Variants in FOCAD observed in about 807,000 individuals in gnomAD.
FOCAD encodes KIAA1797.
A neutral mutation model predicts 225.6 loss-of-function variants in FOCAD; 198 were observed. The observed-to-expected ratio is 0.88, with a 90% CI of 0.78 to 0.99. FOCAD has a LOEUF of 0.99. FOCAD is among the 50% of genes least tolerant of loss of function. The pLI is 0.00. For missense variants in FOCAD, 2,713 were observed against 2,123.6 expected (o/e 1.28, Z -5.46); for synonymous variants, 897 against 755.0 (o/e 1.19, Z -3.08).
At chr9:20,957,673 C>CTTTTTTTTTTTTTTT (rs775116988) in intron 35 of FOCAD, 1 of 38,422 alleles carries the variant, frequency 2.6e-5, no homozygotes, top group African/African-American at 1.1e-4. Context: ...ATCTCTCTCT[C>CTTTTTTTTTTTTTTT]TTTTTTTTTT....
chr9:20,659,542 G>A (rs916316559), intron 2 of FOCAD, among the ~76,000 whole-genome samples: 1 of 151,728 alleles, frequency 6.6e-6, no homozygotes, highest in Non-Finnish European at 1.5e-5. Context: ...AAGATCATGG[G>A]AGGATATGGT....
At chr9:20,982,840 C>T (rs1344029232) in intron 39 of FOCAD, among the ~76,000 whole-genome samples, 2 of 152,160 alleles carry the variant, frequency 1.3e-5, no homozygotes, top group African/African-American at 4.8e-5. Context: ...GTAAAGTTGC[C>T]AGATTTAGCA....
At chr9:20,681,348 G>A (rs1822392608), upstream of FOCAD, among the ~76,000 whole-genome samples, 1 of 152,050 alleles carries the variant, frequency 6.6e-6, no homozygotes, top group Admixed American at 6.5e-5. Context: ...CCTCCCACTT[G>A]GCCTCCCAAA....
chr9:20,946,512 C>G (rs755773240), intron 29 of FOCAD, among the ~76,000 whole-genome samples, 189 bp from the exon 30 acceptor site: 8 of 152,130 alleles, frequency 5.3e-5, no homozygotes, highest in Non-Finnish European at 1.0e-4. Flanking sequence ...AATAATCATA[C>G]CCATCATGAC....
intron 28 of FOCAD, among the ~76,000 whole-genome samples, chr9:20,942,991 T>C (rs1286120474): frequency 6.6e-6 from 1 of 152,214 alleles, no homozygotes; most frequent in East Asian, 1.9e-4. Context: ...GTCAAATGTG[T>C]CTAAGTATTA....
intron 11 of FOCAD, 145 bp downstream of exon 11, chr9:20,789,753 CA>C: frequency 1.0e-6 from 1 of 994,088 alleles, no homozygotes; most frequent in Non-Finnish European, 1.4e-6. Context: ...TTTATCCTTC[CA>C]TTTTTTTCTT....
At chr9:20,666,699 G>C (rs1208566899) in intron 2 of FOCAD, among the ~76,000 whole-genome samples, 1 of 152,220 alleles carries the variant, frequency 6.6e-6, no homozygotes, top group African/African-American at 2.4e-5. Flanking sequence ...AGATGGAAGA[G>C]AAGAGGGTGT....
intron 11 of FOCAD, among the ~76,000 whole-genome samples, chr9:20,792,921 A>C (rs1820682967): frequency 6.6e-6 from 1 of 152,218 alleles, no homozygotes; most frequent in Admixed American, 6.5e-5. Flanking sequence ...TGGAAAATGA[A>C]TAGGAAATGT....
intron 8 of FOCAD, among the ~76,000 whole-genome samples, chr9:20,770,501 C>G (rs562718488): frequency 6.6e-6 from 1 of 152,240 alleles, no homozygotes; most frequent in African/African-American, 2.4e-5. Flanking sequence ...TTTTAAACAA[C>G]CAGATCTCAA....
In FOCAD at chr9:20,995,469, G is replaced by GTT; in HGVS notation, c.5333-86_5333-85insTT. On this transcript the variant is annotated intron_variant, in intron 43 of 43. Coordinates refer to ENST00000338382, the MANE Select transcript of FOCAD (RefSeq NM_001375567.1). ...CTCCCTAGTCTTGAACATTAGCCAA[G>GTT]TGAGAAAAAGACAAATTCTGTTCTG... 5 of 1,098,646 alleles carry GTT rather than the reference G, an allele frequency of 4.6e-6. No individual in the cohort carries two copies. In the South Asian group the frequency reaches 6.4e-5, roughly 14 times the overall value. 68.1% of individuals were successfully genotyped at this position (1,098,646 alleles called of 1,614,324 possible).
At chr9:20,742,761 T>G (rs930704502) in intron 5 of FOCAD, among the ~76,000 whole-genome samples, 1 of 152,220 alleles carries the variant, frequency 6.6e-6, no homozygotes, top group African/African-American at 2.4e-5. Context: ...TTTTTTCCTA[T>G]AGTTGGTTCC....
At chr9:20,781,294 C>G (rs1312872037) in intron 9 of FOCAD, among the ~76,000 whole-genome samples, 1 of 152,134 alleles carries the variant, frequency 6.6e-6, no homozygotes, top group Non-Finnish European at 1.5e-5. Context: ...GGCAGTCCTG[C>G]TTCACTTTGC....
intron 6 of FOCAD, among the ~76,000 whole-genome samples, chr9:20,762,888 G>T (rs748876237): frequency 6.6e-6 from 1 of 152,068 alleles, no homozygotes; most frequent in African/African-American, 2.4e-5. Context: ...TGAACCCAAG[G>T]TTTAGCTCCC....
intron 15 of FOCAD, among the ~76,000 whole-genome samples, chr9:20,857,958 A>C (rs1828369256): frequency 6.6e-6 from 1 of 151,938 alleles, no homozygotes; most frequent in Non-Finnish European, 1.5e-5. Flanking sequence ...GATCACGAGA[A>C]ACAATCTTTT....
chr9:20,898,431 C>A (rs1263591687), intron 21 of FOCAD, among the ~76,000 whole-genome samples: 1 of 151,388 alleles, frequency 6.6e-6, no homozygotes, highest in Admixed American at 6.6e-5. Flanking sequence ...TATTCTTTTT[C>A]CTCTTCGCTT....
chr9:20,811,898 A>G (rs1393347849), intron 11 of FOCAD, among the ~76,000 whole-genome samples: 8 of 152,120 alleles, frequency 5.3e-5, no homozygotes. Context: ...ATGTTTCTGT[A>G]TATATCATGC....
chr9:20,697,417 C>T (rs888717387), intron 1 of FOCAD, among the ~76,000 whole-genome samples: 1 of 152,246 alleles, frequency 6.6e-6, no homozygotes, highest in African/African-American at 2.4e-5. Context: ...TCCCAGCACC[C>T]TGTAGAGGCT....
At chr9:20,981,293 T>G (rs1042913772) in intron 37 of FOCAD, 133 bp from the exon 38 acceptor site, 1 of 1,053,080 alleles carries the variant, frequency 9.5e-7, no homozygotes, top group African/African-American at 1.6e-5. Context: ...TGTGGGAAAA[T>G]GAAGGGGGAA....
At chr9:20,959,751 G>A (rs1838528773) in intron 35 of FOCAD, among the ~76,000 whole-genome samples, 1 of 151,948 alleles carries the variant, frequency 6.6e-6, no homozygotes, top group Non-Finnish European at 1.5e-5. Context: ...TTCTGTCTAT[G>A]GATATCCAGT....
Sources: allele counts gnomAD v4.1 joint callset (sites outside exome capture counted in the v4.1 genomes callset), GRCh38; gene constraint gnomAD v4.1.1; transcripts MANE v1.5; gene names NCBI Gene and HGNC (gene_info 2026-07-23, HGNC 2026-07-21).